KIAA2012: variants seen among roughly 807,000 people sequenced by gnomAD.
KIAA2012 encodes uncharacterized protein KIAA2012.
A neutral mutation model predicts 150.6 loss-of-function variants in KIAA2012; 125 were observed. The ratio of observed to expected loss-of-function variants is 0.83; its 90% CI spans 0.72 to 0.96. The LOEUF (loss-of-function observed/expected upper bound fraction) is 0.96, where lower values mean the gene tolerates loss of function less well. Among genes scored for constraint, KIAA2012 ranks in the 40% least tolerant of loss-of-function variants. The pLI is 0.00. For missense variants in KIAA2012, 1,219 were observed against 1,354.9 expected, an observed-to-expected ratio of 0.90 and a Z score of 1.57; for synonymous variants, 462 against 504.7, an observed-to-expected ratio of 0.92 and a Z score of 1.13.
chr2:202,123,323 C>T (rs1690701082), intron 11 of KIAA2012, among the ~76,000 whole-genome samples: 1 of 152,186 alleles, frequency 6.6e-6, no homozygotes, highest in African/African-American at 2.4e-5. Flanking sequence ...GGAAAATTAA[C>T]ATTCATTATG....
At chr2:202,147,062 T>C (rs535915508) in intron 13 of KIAA2012, among the ~76,000 whole-genome samples, 1 of 152,272 alleles carries the variant, frequency 6.6e-6, no homozygotes, top group South Asian at 2.1e-4. Context: ...AACTTGGAGC[T>C]TGTATACAAT....
At chr2:202,113,666 A>G (rs1690441474) in intron 11 of KIAA2012, 2 of 532,360 alleles carry the variant, frequency 3.8e-6, no homozygotes, top group South Asian at 4.5e-5. Flanking sequence ...ATTTGGAGAG[A>G]GAAGTTCCAG....
At chr2:202,103,511 G>T (rs1243790036) in intron 8 of KIAA2012, among the ~76,000 whole-genome samples, 1 of 152,038 alleles carries the variant, frequency 6.6e-6, no homozygotes, top group Non-Finnish European at 1.5e-5. Context: ...AAGGAGTAGA[G>T]AAATAGATGT....
intron 14 of KIAA2012, among the ~76,000 whole-genome samples, chr2:202,159,736 G>A (rs1406135386): frequency 6.6e-6 from 1 of 152,168 alleles, no homozygotes; most frequent in East Asian, 1.9e-4. Flanking sequence ...CAGCTACTCA[G>A]GGGGCTGAGA....
chr2:202,079,053 T>A lies in KIAA2012; in HGVS notation c.369+3878T>A, dbSNP rs1915819. Among the ~76,000 whole-genome samples, 3 of 151,858 alleles carry A rather than the reference T, an allele frequency of 2.0e-5. 1 individual carries two copies. In the South Asian group the frequency reaches 6.2e-4, roughly 32 times the overall value. On this transcript the variant is annotated intron_variant, in intron 2 of 23. Transcript: ENST00000498697. Reference sequence around the variant, plus strand: ...TCTACTAAAAATACAAAAAATTAGCTGGGAGTGGTGATGCACGCCTGTAAT... The same window carrying A: ...TCTACTAAAAATACAAAAAATTAGCAGGGAGTGGTGATGCACGCCTGTAAT...
At chr2:202,076,949 A>T in intron 2 of KIAA2012, 4 of 456,688 alleles carry the variant, frequency 8.8e-6, no homozygotes, top group Non-Finnish European at 1.8e-5. Flanking sequence ...TGCCAATGGG[A>T]GACGCTGGAA....
chr2:202,179,498 A>G (rs1307422782), intron 15 of KIAA2012: 2 of 704,356 alleles, frequency 2.8e-6, no homozygotes, highest in African/African-American at 3.5e-5. Flanking sequence ...GGAACCAATT[A>G]CCAAGCACAT....
chr2:202,084,772 A>C (rs1689525365), intron 2 of KIAA2012, among the ~76,000 whole-genome samples: 1 of 152,142 alleles, frequency 6.6e-6, no homozygotes, highest in Admixed American at 6.5e-5. Context: ...AAAATTAGTT[A>C]ATTTTTAACA....
chr2:202,111,340 CAAAAAA>C (rs67625607), intron 10 of KIAA2012, among the ~76,000 whole-genome samples: 68 of 83,822 alleles, frequency 8.1e-4, no homozygotes, highest in Admixed American at 1.6e-3. Flanking sequence ...ACTAAAAATA[CAAAAAA>C]AAAAAAAAAA....
At chr2:202,129,512 G>A (rs1446140338) in intron 12 of KIAA2012, among the ~76,000 whole-genome samples, 5 of 151,544 alleles carry the variant, frequency 3.3e-5, no homozygotes, top group African/African-American at 7.3e-5. Context: ...GAGCCACCAC[G>A]CCTGGCCTAG....
intron 19 of KIAA2012, among the ~76,000 whole-genome samples, chr2:202,192,953 GT>G (rs2105749160): frequency 1.3e-5 from 2 of 152,328 alleles, no homozygotes; most frequent in Admixed American, 6.5e-5. Flanking sequence ...TGATTCTAAA[GT>G]GCAGCCATGG....
At chr2:202,148,138 A>G (rs1485034488) in intron 13 of KIAA2012, among the ~76,000 whole-genome samples, 1 of 152,216 alleles carries the variant, frequency 6.6e-6, no homozygotes, top group Non-Finnish European at 1.5e-5. Flanking sequence ...CTGGAATGAA[A>G]GTGTCCAGAG....
chr2:202,153,253 A>G (rs575476789), intron 13 of KIAA2012, among the ~76,000 whole-genome samples: 2 of 152,290 alleles, frequency 1.3e-5, no homozygotes, highest in South Asian at 4.2e-4. Context: ...GGGGGCTTCC[A>G]GTCTAGAGGA....
intron 23 of KIAA2012, among the ~76,000 whole-genome samples, chr2:202,204,650 T>C (rs1692604503): frequency 6.6e-6 from 1 of 152,218 alleles, no homozygotes; most frequent in Admixed American, 6.5e-5. Flanking sequence ...ATTACACCTT[T>C]ACAACCCAGA....
chr2:202,090,968 C>G, intron 3 of KIAA2012, 39 bp downstream of exon 3: 3 of 1,511,530 alleles, frequency 2.0e-6, no homozygotes, highest in Non-Finnish European at 2.7e-6. Context: ...CCCCAAACTG[C>G]CCCACCTCCC....
intron 12 of KIAA2012, among the ~76,000 whole-genome samples, chr2:202,126,834 A>G (rs1234397017): frequency 6.6e-6 from 1 of 152,212 alleles, no homozygotes; most frequent in Non-Finnish European, 1.5e-5. Flanking sequence ...AAGGTCACAC[A>G]AAGTAGTAAA....
chr2:202,109,838 C>G, intron 10 of KIAA2012, 49 bp downstream of exon 10: 2 of 1,466,382 alleles, frequency 1.4e-6, no homozygotes, highest in Middle Eastern at 3.8e-4. Flanking sequence ...TTGAATGTGG[C>G]TCATTGCCAG....
In KIAA2012 at chr2:202,098,822, A is replaced by ACG. The variant is rs147687356; in HGVS notation, c.829-777_829-776dup. On this transcript the variant is annotated intron_variant, in intron 5 of 23. Transcript: ENST00000498697. ...TGTGTGTGTGTGTGTGTGTGTGTGC[A>ACG]CGCGCGCGCGCGCGCAGGATAACAA... is the stretch of plus-strand genomic sequence containing the variant. Among the ~76,000 whole-genome samples the ACG allele has an allele frequency of 3.5e-3, 389 of 110,736 alleles. 3 individuals carry two copies. The highest frequency in any genetic ancestry group is 0.016 in the African/African-American group (340 of 21,522). 72.6% of individuals were successfully genotyped at this position (110,736 alleles called of 152,430 possible). A position where few individuals can be genotyped will look rare whatever the true frequency, so the allele number is the denominator to read the frequency against.
chr2:202,110,505 A>G (rs1690318461), intron 10 of KIAA2012, among the ~76,000 whole-genome samples: 1 of 152,242 alleles, frequency 6.6e-6, no homozygotes, highest in African/African-American at 2.4e-5. Flanking sequence ...TATGTGGTCC[A>G]GGCAGCTGTT....
Sources: allele counts gnomAD v4.1 joint callset (sites outside exome capture counted in the v4.1 genomes callset), GRCh38; gene constraint gnomAD v4.1.1; transcripts MANE v1.5; gene names NCBI Gene and HGNC (gene_info 2026-07-23, HGNC 2026-07-21).